The following RNASET2 variants were observed in gnomAD, a reference collection of about 807,000 sequenced individuals.
RNASET2 encodes the protein ribonuclease 6.
In RNASET2, 28 loss-of-function variants were observed where a neutral mutation model predicts 33.9. The ratio of observed to expected loss-of-function variants is 0.83; its 90% confidence interval spans 0.61 to 1.13. The LOEUF (loss-of-function observed/expected upper bound fraction) is 1.13. Ranked by LOEUF, RNASET2 falls within the 50% of genes most tolerant of loss-of-function variation. The probability of loss-of-function intolerance (pLI) is 0.00; values close to 1 mark genes in which losing one functional copy is unlikely to be tolerated. For synonymous variants in RNASET2, 123 were observed against 121.0 expected (o/e 1.02, Z -0.11); for missense variants, 330 against 319.9 (o/e 1.03, Z -0.24).
At chr6:166,941,036 C>G (rs141420477) in intron 5 of RNASET2, among the ~76,000 whole-genome samples, 2 of 152,338 alleles carry the variant, frequency 1.3e-5, no homozygotes, top group South Asian at 2.1e-4. Flanking sequence ...AGTCAGGTGA[C>G]TTGAGTGATA....
intron 4 of RNASET2, among the ~76,000 whole-genome samples, chr6:166,946,368 C>T (rs891638169): frequency 1.6e-4 from 24 of 152,148 alleles, no homozygotes; most frequent in East Asian, 3.8e-4. Context: ...GCGGGGCTGG[C>T]GGGCGAGCGT....
In RNASET2 at chr6:166,933,290, C is replaced by T. The variant is rs1212618033; in HGVS notation, c.492+801G>A. 1.3e-5 allele frequency: 2 copies of T among 152,220 alleles called. No individual in the cohort carries two copies. The highest frequency in any genetic ancestry group is 4.8e-5 in the African/African-American group (2 of 41,452). The allele number at this position is 152,220 out of a possible 1,614,324, so 9.4% of individuals were successfully genotyped here. ...TGCAGCTACACCATGGGAGCACAAG[C>T]ATCCCCAGGTAACAAAGGAGTACAA... On this transcript the variant is annotated intron_variant, in intron 7 of 8. Coordinates refer to ENST00000508775, the MANE Select transcript of RNASET2 (RefSeq NM_003730.6). The surrounding 1 kb of genome is among the most constrained non-coding windows in gnomAD (Gnocchi z 4.1).
chr6:166,939,510 C>T (rs1027202712), intron 5 of RNASET2, among the ~76,000 whole-genome samples: 3 of 152,172 alleles, frequency 2.0e-5, no homozygotes, highest in African/African-American at 7.2e-5. Flanking sequence ...AGTTTCAGTT[C>T]ACGTCTACAA....
At position 166,928,351 on chromosome 6, in the gene RNASET2, C is replaced by T. The variant is rs1778339222; in HGVS notation, c.*1237G>A. ...TCTGCATTTCAGACTGTCTTGTAGACACCATGAAGTGAGGTTTTGGTTTGA... is the reference window on the plus strand; with the variant it reads ...TCTGCATTTCAGACTGTCTTGTAGATACCATGAAGTGAGGTTTTGGTTTGA... On this transcript the variant is annotated 3_prime_UTR_variant, in exon 9 of 9. Coordinates refer to ENST00000508775, the MANE Select transcript of RNASET2 (RefSeq NM_003730.6). Among the ~76,000 whole-genome samples, 1 of 152,088 alleles carries T rather than the reference C, an allele frequency of 6.6e-6. No homozygotes were observed. The highest frequency in any genetic ancestry group is 6.5e-5 in the Admixed American group (1 of 15,272).
chr6:166,930,893 CAT>C, intron 8 of RNASET2, 149 bp downstream of exon 8: 3 of 713,182 alleles, frequency 4.2e-6, no homozygotes, highest in Non-Finnish European at 7.7e-6. Context: ...TACACACACA[CAT>C]GCACACACAC....
chr6:166,942,377 A>G (rs1286538152), intron 5 of RNASET2, among the ~76,000 whole-genome samples: 4 of 152,044 alleles, frequency 2.6e-5, no homozygotes, highest in Non-Finnish European at 5.9e-5. Flanking sequence ...GTATTTGAAG[A>G]CAGGAGCACA....
rs781740576 is a variant in RNASET2 at position 166,930,446 on chromosome 6, A to G, written c.567+598T>C. Among the ~76,000 whole-genome samples, 70 of 152,216 alleles carry G rather than the reference A, an allele frequency of 4.6e-4. 1 individual carries two copies. The highest frequency in any genetic ancestry group is 2.1e-4 in the South Asian group (1 of 4,822). The stretch of plus-strand genomic sequence containing the variant: ...GAGGCACAGGCCCATGCACACACAC[A>G]GCACATACCCACATGCATGTACACA... On this transcript the variant is annotated intron_variant, in intron 8 of 8. Transcript: ENST00000508775.
At chr6:166,941,558 C>T (rs1778693713) in intron 5 of RNASET2, among the ~76,000 whole-genome samples, 1 of 152,138 alleles carries the variant, frequency 6.6e-6, no homozygotes, top group Admixed American at 6.5e-5. Context: ...GAGACCTGAA[C>T]CATTCACCAC....
At chr6:166,939,213 G>C (rs1370200568) in intron 5 of RNASET2, among the ~76,000 whole-genome samples, 1 of 152,060 alleles carries the variant, frequency 6.6e-6, no homozygotes, top group African/African-American at 2.4e-5. Flanking sequence ...AGGTGCCTGA[G>C]ATCCCAGCTA....
At position 166,955,201 on chromosome 6, in the gene RNASET2, GCA is replaced by G. The variant is rs559150319; in HGVS notation, c.86+894_86+895del. 7.2e-3 allele frequency among the ~76,000 whole-genome samples: 865 copies of G among 120,766 alleles called. 14 individuals are homozygous for G. Among genetic ancestry groups the G allele is most frequent in the African/African-American group, 0.031 (836 of 27,202 alleles). 79.2% of individuals were successfully genotyped at this position (120,766 alleles called of 152,430 possible). On this transcript the variant is annotated intron_variant, in intron 1 of 8. Transcript: ENST00000508775. Reference sequence around the variant, plus strand: ...CACACACACACACGCACACACGCACGCACACACGCACGCACACACGCGCACAC... The same window carrying G: ...CACACACACACACGCACACACGCACGCACACGCACGCACACACGCGCACAC...
At chr6:166,942,984 A>G in intron 5 of RNASET2, 35 bp downstream of exon 5, 1 of 1,572,936 alleles carries the variant, frequency 6.4e-7, no homozygotes. Flanking sequence ...CCGCTCAGAC[A>G]GTAATCAAGA....
Position 166,939,016 on chromosome 6 carries a change from G to T in RNASET2, c.333-8C>A. Reference sequence around the variant, plus strand: ...TTTTCCCACTCATGCTTCCTGTGAGGATTAGGAAAAATCTCCACTTAAAAG... The same window carrying T: ...TTTTCCCACTCATGCTTCCTGTGAGTATTAGGAAAAATCTCCACTTAAAAG... On this transcript the variant is annotated splice_polypyrimidine_tract_variant and splice_region_variant and intron_variant, in intron 5 of 8. Transcript: ENST00000508775. 1 of 1,603,262 alleles carries T rather than the reference G, an allele frequency of 6.2e-7. No individual in the cohort carries two copies. The highest frequency in any genetic ancestry group is 8.5e-7 in the Non-Finnish European group (1 of 1,172,252).
chr6:166,955,399 A>ACACACACACGCG (rs1246996747), intron 1 of RNASET2: 13 of 590,110 alleles, frequency 2.2e-5, no homozygotes, highest in Non-Finnish European at 2.7e-5. Context: ...ACACACGCGC[A>ACACACACACGCG]CACACACACG....
intron 5 of RNASET2, among the ~76,000 whole-genome samples, 197 bp from the exon 6 acceptor site, chr6:166,939,205 G>A (rs1778640907): frequency 6.6e-6 from 1 of 152,162 alleles, no homozygotes; most frequent in Non-Finnish European, 1.5e-5. Flanking sequence ...GTGGTGGCAG[G>A]TGCCTGAGAT....
chr6:166,935,324 T>G (rs1778540397), intron 6 of RNASET2, among the ~76,000 whole-genome samples: 2 of 152,266 alleles, frequency 1.3e-5, no homozygotes, highest in Admixed American at 6.5e-5. Flanking sequence ...GAAATTAATT[T>G]AACCTGTTTC....
chr6:166,943,945 C>T (rs538560387), intron 4 of RNASET2: 2 of 265,136 alleles, frequency 7.5e-6, no homozygotes, highest in African/African-American at 2.3e-5. Flanking sequence ...CCTGGTGAAA[C>T]CCTGTCTCTA....
At chr6:166,946,205 T>G (rs1347083509) in intron 4 of RNASET2, among the ~76,000 whole-genome samples, 2 of 152,364 alleles carry the variant, frequency 1.3e-5, no homozygotes, top group South Asian at 2.1e-4. Context: ...AGGCCCAGCA[T>G]GTCCACCTGC....
intron 1 of RNASET2, among the ~76,000 whole-genome samples, chr6:166,954,039 C>T (rs1385686121): frequency 6.6e-6 from 1 of 152,164 alleles, no homozygotes; most frequent in African/African-American, 2.4e-5. Flanking sequence ...TACAACAAAA[C>T]TACCAAGACT....
chr6:166,923,076 T>G lies in RNASET2; in HGVS notation c.*6512A>C, dbSNP rs569753364. On this transcript the variant is annotated 3_prime_UTR_variant, in exon 9 of 9. Coordinates refer to ENST00000508775, the MANE Select transcript of RNASET2 (RefSeq NM_003730.6). Reference sequence around the variant, plus strand: ...AAGTCCATACAGCATTTAATGGATCTTAACTTTATCCATCTCAAACTTTCT... The same window carrying G: ...AAGTCCATACAGCATTTAATGGATCGTAACTTTATCCATCTCAAACTTTCT... Among the ~76,000 whole-genome samples, 1 of 152,358 alleles carries G rather than the reference T, an allele frequency of 6.6e-6. No individual in the cohort carries two copies. Among genetic ancestry groups the G allele is most frequent in the South Asian group, 2.1e-4 (1 of 4,832 alleles).
Sources: allele counts gnomAD v4.1 joint callset (sites outside exome capture counted in the v4.1 genomes callset), GRCh38; gene constraint gnomAD v4.1.1; non-coding constraint Gnocchi (gnomAD v3.1); transcripts MANE v1.5; gene names NCBI Gene and HGNC (gene_info 2026-07-23, HGNC 2026-07-21).